SAMD12: variants seen among roughly 807,000 people sequenced by gnomAD.
SAMD12 encodes the protein sterile alpha motif domain containing 12.
SAMD12 carries 9 observed loss-of-function variants against 15.0 expected under a neutral mutation model. That is an observed-to-expected ratio of 0.60 (90% confidence interval 0.36 to 1.05). The LOEUF (loss-of-function observed/expected upper bound fraction) is 1.05. SAMD12 is among the 50% of genes least tolerant of loss of function. SAMD12 has a pLI of 0.01. For missense variants in SAMD12, 230 were observed against 234.2 expected, an observed-to-expected ratio of 0.98 and a Z score of 0.12; for synonymous variants, 86 against 90.1, an observed-to-expected ratio of 0.96 and a Z score of 0.25.
chr8:118,621,924 T>C lies in SAMD12; in HGVS notation c.-108A>G, dbSNP rs771868556. On this transcript the variant is annotated 5_prime_UTR_variant, in exon 1 of 4. Transcript: ENST00000314727. ...TTCGCCTAAATATTCTGCGCTTATCTGCTCCAGGACCAACCTGCCGCGGTC... is the reference window on the plus strand; with the variant it reads ...TTCGCCTAAATATTCTGCGCTTATCCGCTCCAGGACCAACCTGCCGCGGTC... The C allele has an allele frequency of 7.5e-7, 1 of 1,339,584 alleles. No individual in the cohort carries two copies. Among genetic ancestry groups the C allele is most frequent in the African/African-American group, 1.4e-5 (1 of 69,550 alleles). The allele number at this position is 1,339,584 out of a possible 1,614,324, so 83.0% of individuals were successfully genotyped here.
At chr8:118,267,391 AG>A (rs2130092210) in intron 4 of SAMD12, among the ~76,000 whole-genome samples, 2 of 152,312 alleles carry the variant, frequency 1.3e-5, no homozygotes, top group East Asian at 3.9e-4. Flanking sequence ...CCAAGAGTGG[AG>A]GATAAATAAA....
chr8:118,253,156 C>T, intron 4 of SAMD12, among the ~76,000 whole-genome samples: 1 of 152,202 alleles, frequency 6.6e-6, no homozygotes, highest in Admixed American at 6.5e-5. Context: ...AAAGATCACA[C>T]ACATTCAATG....
chr8:118,529,920 T>C (rs1825639083), intron 2 of SAMD12, among the ~76,000 whole-genome samples: 1 of 152,168 alleles, frequency 6.6e-6, no homozygotes, highest in African/African-American at 2.4e-5. Context: ...GATCAAATGA[T>C]AGTTCTATTT....
At chr8:118,510,909 C>T (rs1825063114) in intron 2 of SAMD12, among the ~76,000 whole-genome samples, 1 of 152,190 alleles carries the variant, frequency 6.6e-6, no homozygotes, top group Admixed American at 6.5e-5. Context: ...GGTTACTTTA[C>T]TACTAAGTTT....
intron 4 of SAMD12, among the ~76,000 whole-genome samples, chr8:118,266,251 A>G (rs912870769): frequency 6.6e-6 from 1 of 152,186 alleles, no homozygotes; most frequent in African/African-American, 2.4e-5. Context: ...GAGGATTACA[A>G]TTCAAGATGA....
chr8:118,175,925 G>T, the SAMD12 span, among the ~76,000 whole-genome samples: 1 of 152,206 alleles, frequency 6.6e-6, no homozygotes, highest in African/African-American at 2.4e-5. Flanking sequence ...GGAAAGGAAA[G>T]CAGTTCAGAG....
At chr8:118,612,511 T>C (rs1041120018) in intron 1 of SAMD12, among the ~76,000 whole-genome samples, 3 of 152,202 alleles carry the variant, frequency 2.0e-5, no homozygotes, top group Non-Finnish European at 4.4e-5. Context: ...AACTGTGTCC[T>C]TCTAATCCCT....
chr8:118,342,942 T>C (rs988522047), intron 4 of SAMD12, among the ~76,000 whole-genome samples: 1 of 152,080 alleles, frequency 6.6e-6, no homozygotes, highest in African/African-American at 2.4e-5. Flanking sequence ...AAGATAAGAA[T>C]GTATATGGTG....
chr8:118,331,474 A>G (rs1248480195), intron 4 of SAMD12, among the ~76,000 whole-genome samples: 1 of 152,236 alleles, frequency 6.6e-6, no homozygotes, highest in Non-Finnish European at 1.5e-5. Context: ...GGGCCCCTGG[A>G]AAACAAGATA....
At chr8:118,167,867 T>C in the SAMD12 span, among the ~76,000 whole-genome samples, 2 of 152,144 alleles carry the variant, frequency 1.3e-5, no homozygotes, top group South Asian at 2.1e-4. Context: ...ACAGGTGTGT[T>C]CTTGGGGGTT....
chr8:118,524,026 ATC>A (rs1423249518), intron 2 of SAMD12, among the ~76,000 whole-genome samples: 2 of 152,006 alleles, frequency 1.3e-5, no homozygotes, highest in Non-Finnish European at 2.9e-5. Context: ...GCATATAAAC[ATC>A]TTTTTATATC....
the SAMD12 span, among the ~76,000 whole-genome samples, chr8:118,139,587 G>A: frequency 1.3e-5 from 2 of 152,018 alleles, no homozygotes; most frequent in African/African-American, 4.8e-5. Flanking sequence ...TGAACTCCTG[G>A]CCTCAAGTGA....
chr8:118,601,813 G>T (rs1379031515), intron 1 of SAMD12, among the ~76,000 whole-genome samples: 1 of 152,180 alleles, frequency 6.6e-6, no homozygotes, highest in Non-Finnish European at 1.5e-5. Flanking sequence ...AAGAACTGAT[G>T]GGTAGAAGCA....
At chr8:118,513,929 A>C (rs1024028241) in intron 2 of SAMD12, among the ~76,000 whole-genome samples, 1 of 152,170 alleles carries the variant, frequency 6.6e-6, no homozygotes, top group Admixed American at 6.5e-5. Flanking sequence ...CCAGCCTATT[A>C]TTTCTTTGTG....
At chr8:118,371,332 C>T (rs996856736) in intron 4 of SAMD12, among the ~76,000 whole-genome samples, 1 of 152,054 alleles carries the variant, frequency 6.6e-6, no homozygotes, top group Admixed American at 6.6e-5. Context: ...ATTGAGGGAG[C>T]AGGACAGAGA....
the SAMD12 span, among the ~76,000 whole-genome samples, chr8:118,183,287 C>T: frequency 6.6e-6 from 1 of 152,192 alleles, no homozygotes; most frequent in African/African-American, 2.4e-5. Flanking sequence ...ATCTTCTTCA[C>T]CAACTGAATT....
At chr8:118,571,061 A>G (rs903141030) in intron 2 of SAMD12, among the ~76,000 whole-genome samples, 1 of 152,214 alleles carries the variant, frequency 6.6e-6, no homozygotes, top group Non-Finnish European at 1.5e-5. Context: ...AGTCTCAGGT[A>G]TGTCTTAATC....
exon 5 of SAMD12, chr8:118,193,420 A>G (rs891693983): frequency 3.9e-5 from 6 of 152,236 alleles, no homozygotes; most frequent in African/African-American, 1.4e-4. Flanking sequence ...ACCAGAATTC[A>G]TAGGATAATT....
chr8:118,148,119 G>A, the SAMD12 span, among the ~76,000 whole-genome samples: 1 of 151,742 alleles, frequency 6.6e-6, no homozygotes, highest in Non-Finnish European at 1.5e-5. Context: ...TGGTAGAGAC[G>A]GGGTGTCACC....
Sources: gnomAD v4.1 joint callset for allele counts (sites outside exome capture counted in the v4.1 genomes callset) on GRCh38, gnomAD v4.1.1 for gene constraint, MANE v1.5 for transcripts, NCBI Gene and HGNC (gene_info 2026-07-23, HGNC 2026-07-21) for gene names.